AGBL4: variants seen among roughly 807,000 people sequenced by gnomAD.
AGBL4 encodes AGBL carboxypeptidase 4, also known as cytosolic carboxypeptidase 6.
AGBL4 carries 58 observed loss-of-function variants against 66.4 expected under a neutral mutation model. The observed-to-expected ratio is 0.87, with a 90% CI of 0.71 to 1.09. The LOEUF is 1.09. Ranked by LOEUF, AGBL4 falls within the 50% of genes least tolerant of loss-of-function variation. AGBL4 has a pLI of 0.00. For missense variants in AGBL4, 579 were observed against 631.0 expected (o/e 0.92, Z 0.88); for synonymous variants, 234 against 222.9 (o/e 1.05, Z -0.44).
In AGBL4 at chr1:48,791,185, C is replaced by T. The variant is rs139249634; in HGVS notation, c.634+76006G>A. 5.9e-3 allele frequency among the ~76,000 whole-genome samples: 895 copies of T among 152,308 alleles called. 13 individuals carry two copies. The highest frequency in any genetic ancestry group is 0.017 in the Middle Eastern group (5 of 294). On this transcript the variant is annotated intron_variant, in intron 6 of 13. Transcript: ENST00000371839. Reference sequence around the variant, plus strand: ...GGCCTTATCGCTGTCCTCCATTGCTCGGCATTCCCTTGATTACAATGAAAA... The same window carrying T: ...GGCCTTATCGCTGTCCTCCATTGCTTGGCATTCCCTTGATTACAATGAAAA...
chr1:48,817,268 C>T lies in AGBL4; in HGVS notation c.634+49923G>A, dbSNP rs112567296. Among the ~76,000 whole-genome samples, 897 of 152,238 alleles carry T rather than the reference C, an allele frequency of 5.9e-3. 7 individuals carry two copies. Among genetic ancestry groups the T allele is most frequent in the Non-Finnish European group, 7.6e-3 (515 of 68,024 alleles). ...CTGTTAAGTTTAGGCCTCAGCCTAT[C>T]CACTTAAAAAGGTACCTGGTTGACT... On this transcript the variant is annotated intron_variant, in intron 6 of 13. Transcript: ENST00000371839.
At chr1:48,937,753 G>C (rs1453600570) in intron 5 of AGBL4, among the ~76,000 whole-genome samples, 1 of 152,154 alleles carries the variant, frequency 6.6e-6, no homozygotes, top group South Asian at 2.1e-4. Flanking sequence ...AGGCTTGTCA[G>C]ACTCAAAAAG....
intron 4 of AGBL4, among the ~76,000 whole-genome samples, chr1:49,199,674 T>C (rs924076424): frequency 2.6e-5 from 4 of 152,182 alleles, no homozygotes; most frequent in Middle Eastern, 3.2e-3. Flanking sequence ...GGCACCATAA[T>C]TGGCTTTTAG....
At chr1:49,785,941 G>A (rs933805856) in intron 2 of AGBL4, among the ~76,000 whole-genome samples, 5 of 148,894 alleles carry the variant, frequency 3.4e-5, no homozygotes, top group East Asian at 2.0e-4. Flanking sequence ...ACCCACCTAC[G>A]TTATGGGAAA....
At chr1:49,155,255 C>A (rs1646408572) in intron 4 of AGBL4, among the ~76,000 whole-genome samples, 1 of 152,144 alleles carries the variant, frequency 6.6e-6, no homozygotes, top group Admixed American at 6.6e-5. Flanking sequence ...ACATCAGTAA[C>A]TTGTTCAAGG....
rs376437575 is a variant in AGBL4, at chr1:49,299,441, A to G, written c.283-53577T>C. On this transcript the variant is annotated intron_variant, in intron 3 of 13. Coordinates refer to ENST00000371839, the MANE Select transcript of AGBL4 (RefSeq NM_032785.4). ...TCTCTTCTTTAGGGAAGAGAAATAA[A>G]TATCTGTCTCATCTAACTCAATGGC... Among the ~76,000 whole-genome samples, 4 of 152,198 alleles carry G rather than the reference A, an allele frequency of 2.6e-5. No individual in the cohort carries two copies. The East Asian group carries it at 7.7e-4, about 29-fold the overall frequency.
chr1:49,412,585 C>T (rs1645339855), intron 3 of AGBL4, among the ~76,000 whole-genome samples: 1 of 152,140 alleles, frequency 6.6e-6, no homozygotes, highest in Admixed American at 6.6e-5. Flanking sequence ...TTTTATATCA[C>T]ATTCTCCACA....
At chr1:49,553,511 A>AT (rs1461724259) in intron 3 of AGBL4, among the ~76,000 whole-genome samples, 2 of 152,260 alleles carry the variant, frequency 1.3e-5, no homozygotes, top group African/African-American at 4.8e-5. Context: ...TTAGTACCAC[A>AT]TCCCCCATTA....
chr1:48,753,256 T>C (rs746525966), intron 6 of AGBL4, among the ~76,000 whole-genome samples: 7 of 152,222 alleles, frequency 4.6e-5, no homozygotes, highest in Non-Finnish European at 7.3e-5. Flanking sequence ...CTGTATGTAG[T>C]GGGCTTTAAG....
chr1:49,798,144 C>A (rs1286227710), intron 2 of AGBL4, among the ~76,000 whole-genome samples: 4 of 152,178 alleles, frequency 2.6e-5, no homozygotes, highest in African/African-American at 9.6e-5. Context: ...GGGGAAGAAT[C>A]GAATCTGATG....
chr1:49,706,442 C>T (rs1185608112), intron 2 of AGBL4, among the ~76,000 whole-genome samples: 2 of 151,822 alleles, frequency 1.3e-5, no homozygotes, highest in Non-Finnish European at 2.9e-5. Flanking sequence ...TCTCTCTTTT[C>T]TTCTTTATTA....
At chr1:49,108,902 C>T (rs986514980) in intron 4 of AGBL4, among the ~76,000 whole-genome samples, 3 of 152,218 alleles carry the variant, frequency 2.0e-5, no homozygotes, top group South Asian at 2.1e-4. Context: ...GACAGGAGAA[C>T]GCCCTCAGTT....
At chr1:49,460,153 G>A (rs1245707409) in intron 3 of AGBL4, among the ~76,000 whole-genome samples, 2 of 151,558 alleles carry the variant, frequency 1.3e-5, no homozygotes, top group Non-Finnish European at 3.0e-5. Flanking sequence ...TTGACTTTCT[G>A]TCTTGATGAC....
chr1:49,094,021 AGT>A (rs958307883), intron 4 of AGBL4, among the ~76,000 whole-genome samples: 8 of 152,172 alleles, frequency 5.3e-5, no homozygotes, highest in African/African-American at 1.4e-4. Context: ...GGATACAGAA[AGT>A]GTGACTTTTC....
intron 3 of AGBL4, among the ~76,000 whole-genome samples, chr1:49,523,747 T>C (rs1650442141): frequency 6.6e-6 from 1 of 152,120 alleles, no homozygotes; most frequent in Admixed American, 6.5e-5. Context: ...TAGATAGTTA[T>C]CAAGCAACCA....
intron 6 of AGBL4, among the ~76,000 whole-genome samples, chr1:48,684,715 C>CT (rs5774015): frequency 2.0e-5 from 3 of 150,674 alleles, no homozygotes; most frequent in South Asian, 2.1e-4. Context: ...AAAATAAAAA[C>CT]TTTTTTTTTT....
intron 3 of AGBL4, among the ~76,000 whole-genome samples, chr1:49,455,843 C>G (rs941790615): frequency 2.0e-5 from 3 of 151,710 alleles, no homozygotes; most frequent in Non-Finnish European, 4.4e-5. Context: ...ACACATCAAA[C>G]TTTTACCTCC....
chr1:48,903,766 A>G (rs1652314960), intron 5 of AGBL4, among the ~76,000 whole-genome samples: 1 of 152,068 alleles, frequency 6.6e-6, no homozygotes, highest in African/African-American at 2.4e-5. Context: ...GTAGCTCCAA[A>G]TGTGTCACCA....
intron 3 of AGBL4, among the ~76,000 whole-genome samples, chr1:49,350,414 G>A (rs912160995): frequency 1.3e-5 from 2 of 151,632 alleles, no homozygotes; most frequent in South Asian, 2.1e-4. Flanking sequence ...CGTTTTAGCC[G>A]GGATGGTCTC....
Sources: gnomAD v4.1 joint callset for allele counts (sites outside exome capture counted in the v4.1 genomes callset) on GRCh38, gnomAD v4.1.1 for gene constraint, MANE v1.5 for transcripts, NCBI Gene and HGNC (gene_info 2026-07-23, HGNC 2026-07-21) for gene names.